Variants in SLC25A12 observed in about 807,000 individuals in gnomAD.
SLC25A12 encodes the protein electrogenic aspartate/glutamate antiporter SLC25A12, mitochondrial.
A neutral mutation model predicts 83.3 loss-of-function variants in SLC25A12; 32 were observed. That is an observed-to-expected ratio of 0.38 (90% CI 0.29 to 0.52). The LOEUF (loss-of-function observed/expected upper bound fraction) is 0.52. Ranked by LOEUF, SLC25A12 falls within the 20% of genes least tolerant of loss-of-function variation. SLC25A12 has a pLI of 0.84. For synonymous variants in SLC25A12, 267 were observed against 291.1 expected, an observed-to-expected ratio of 0.92 and a Z score of 0.84; for missense variants, 611 against 835.6, an observed-to-expected ratio of 0.73 and a Z score of 3.31.
At position 171,880,296 on chromosome 2, in the gene SLC25A12, T is replaced by G. The variant is rs184450489; in HGVS notation, c.67-11473A>C. 5.9e-5 allele frequency among the ~76,000 whole-genome samples: 9 copies of G among 152,326 alleles called. No individual in the cohort carries two copies. The East Asian group carries it at 1.7e-3, about 29-fold the overall frequency. ...AAATAATTTCAAATCATATTTTATTTTTTTGAGATGGAGTCTCCCTCTGTC... is the reference window on the plus strand; with the variant it reads ...AAATAATTTCAAATCATATTTTATTGTTTTGAGATGGAGTCTCCCTCTGTC... On this transcript the variant is annotated intron_variant, in intron 2 of 17. Coordinates refer to ENST00000422440, the MANE Select transcript of SLC25A12 (RefSeq NM_003705.5).
intron 5 of SLC25A12, among the ~76,000 whole-genome samples, chr2:171,838,090 T>C (rs1391882848): frequency 1.3e-5 from 2 of 152,194 alleles, no homozygotes; most frequent in Non-Finnish European, 2.9e-5. Context: ...TTAGCAAACA[T>C]AACAATGGTG....
chr2:171,855,117 T>C (rs1427851095), intron 4 of SLC25A12, among the ~76,000 whole-genome samples: 1 of 152,222 alleles, frequency 6.6e-6, no homozygotes, highest in African/African-American at 2.4e-5. Flanking sequence ...AACTACTACA[T>C]GGCTTTTATT....
intron 13 of SLC25A12, among the ~76,000 whole-genome samples, chr2:171,805,006 C>T (rs1458142308): frequency 1.3e-5 from 2 of 152,154 alleles, no homozygotes; most frequent in Non-Finnish European, 2.9e-5. Flanking sequence ...GATGGTTTCA[C>T]AACAAAACAC....
chr2:171,802,709 G>C lies in SLC25A12; in HGVS notation c.1305+6897C>G, dbSNP rs148824538. On this transcript the variant is annotated intron_variant, in intron 13 of 17. Transcript: ENST00000422440. ...GAGAATGGCGTGAACCCGGGAAGCG[G>C]AGCTTGCAGTGAGCCAAGATCACGC... 5.7e-3 allele frequency among the ~76,000 whole-genome samples: 865 copies of C among 152,334 alleles called. 4 individuals are homozygous for C. The highest frequency in any genetic ancestry group is 0.018 in the African/African-American group (731 of 41,580).
chr2:171,847,182 C>A (rs1044986056), intron 4 of SLC25A12, among the ~76,000 whole-genome samples: 2 of 152,130 alleles, frequency 1.3e-5, no homozygotes, highest in Non-Finnish European at 2.9e-5. Flanking sequence ...ATTACTAGAA[C>A]TAATAAGATT....
At chr2:171,793,583 T>A in intron 14 of SLC25A12, 44 bp downstream of exon 14, 1 of 1,593,998 alleles carries the variant, frequency 6.3e-7, no homozygotes, top group Non-Finnish European at 8.6e-7. Flanking sequence ...GTTTCCACAT[T>A]CTTTCATATT....
rs1417479436 is a variant in SLC25A12 at position 171,850,369 on chromosome 2, G to A, written c.325+5465C>T. ...TTTTTTTTTTTTTTTTTTTTGAGATGGAGTCTTGCTCTGTCGCCCAGGCTG... is the reference window on the plus strand; with the variant it reads ...TTTTTTTTTTTTTTTTTTTTGAGATAGAGTCTTGCTCTGTCGCCCAGGCTG... On this transcript the variant is annotated intron_variant, in intron 4 of 17. Coordinates refer to ENST00000422440, the MANE Select transcript of SLC25A12 (RefSeq NM_003705.5). Among the ~76,000 whole-genome samples, 38 of 112,880 alleles carry A rather than the reference G, an allele frequency of 3.4e-4. 1 individual carries two copies. In the Admixed American group the frequency reaches 4.3e-3, roughly 13 times the overall value. 74.1% of individuals were successfully genotyped at this position (112,880 alleles called of 152,430 possible).
intron 13 of SLC25A12, among the ~76,000 whole-genome samples, chr2:171,798,310 C>CT (rs1683640386): frequency 1.3e-5 from 2 of 152,178 alleles, no homozygotes; most frequent in African/African-American, 4.8e-5. Flanking sequence ...AGGATTAGGC[C>CT]TATTCAACCT....
chr2:171,834,670 C>T, intron 7 of SLC25A12, 57 bp downstream of exon 7: 1 of 1,569,282 alleles, frequency 6.4e-7, no homozygotes. Context: ...CATCATGCCT[C>T]AGTGAAGAAA....
At chr2:171,812,596 G>A (rs1367244117) in intron 11 of SLC25A12, among the ~76,000 whole-genome samples, 2 of 145,202 alleles carry the variant, frequency 1.4e-5, no homozygotes, top group Admixed American at 7.0e-5. Flanking sequence ...TCTCTCCAAA[G>A]AGACAAGTTC....
chr2:171,807,086 T>C (rs1189015740), intron 13 of SLC25A12, among the ~76,000 whole-genome samples: 1 of 152,222 alleles, frequency 6.6e-6, no homozygotes, highest in African/African-American at 2.4e-5. Flanking sequence ...TAACAATCAT[T>C]TATAGCATAG....
chr2:171,843,606 T>C (rs1684728226), intron 5 of SLC25A12, among the ~76,000 whole-genome samples: 1 of 152,008 alleles, frequency 6.6e-6, no homozygotes, highest in Non-Finnish European at 1.5e-5. Flanking sequence ...CACTCCAGCC[T>C]GAGCAACAGA....
chr2:171,849,801 C>A (rs1317044886), intron 4 of SLC25A12, among the ~76,000 whole-genome samples: 1 of 151,892 alleles, frequency 6.6e-6, no homozygotes, highest in African/African-American at 2.4e-5. Context: ...CGTGATCCAC[C>A]CGCCTCGGCC....
At chr2:171,870,243 T>C (rs1685431058) in intron 2 of SLC25A12, among the ~76,000 whole-genome samples, 1 of 152,168 alleles carries the variant, frequency 6.6e-6, no homozygotes, top group Admixed American at 6.5e-5. Flanking sequence ...TGTACAAAAA[T>C]AGAAAATATC....
chr2:171,824,726 TTTTA>T, intron 9 of SLC25A12, among the ~76,000 whole-genome samples: 1 of 152,210 alleles, frequency 6.6e-6, no homozygotes, highest in South Asian at 2.1e-4. Context: ...TTTTATAAAA[TTTTA>T]TTTTTTTAAA....
At chr2:171,886,432 C>T (rs1415282094) in intron 2 of SLC25A12, among the ~76,000 whole-genome samples, 1 of 148,962 alleles carries the variant, frequency 6.7e-6, no homozygotes, top group Non-Finnish European at 1.5e-5. Flanking sequence ...GGGGTTTTGC[C>T]ACGTTGCCTA....
chr2:171,866,819 C>G (rs1220355275), intron 3 of SLC25A12, among the ~76,000 whole-genome samples: 1 of 149,636 alleles, frequency 6.7e-6, no homozygotes, highest in Admixed American at 6.6e-5. Context: ...GGGGCTGACC[C>G]CCACCTCCCT....
intron 17 of SLC25A12, 25 bp downstream of exon 17, chr2:171,787,545 GT>G (rs1690511727): frequency 3.9e-6 from 6 of 1,543,982 alleles, no homozygotes; most frequent in Non-Finnish European, 4.5e-6. Context: ...TGATTTCTTT[GT>G]AAAGGAGTTG....
intron 4 of SLC25A12, among the ~76,000 whole-genome samples, chr2:171,845,359 T>C (rs374224542): frequency 4.0e-5 from 6 of 151,480 alleles, no homozygotes; most frequent in South Asian, 4.2e-4. Flanking sequence ...ATAGACTGGA[T>C]AAACTAATTT....
Sources: gnomAD v4.1 joint callset for allele counts (sites outside exome capture counted in the v4.1 genomes callset) on GRCh38, gnomAD v4.1.1 for gene constraint, MANE v1.5 for transcripts, NCBI Gene and HGNC (gene_info 2026-07-23, HGNC 2026-07-21) for gene names.